Variants in CCER2 observed in about 807,000 individuals in gnomAD.
The protein encoded by CCER2 is coiled-coil domain-containing glutamate-rich protein 2.
Under a neutral mutation model 27.1 loss-of-function variants are expected in CCER2, and 20 were observed. The ratio of observed to expected loss-of-function variants is 0.74; its 90% CI spans 0.52 to 1.07. CCER2 has a LOEUF of 1.07. Among genes scored for constraint, CCER2 ranks in the 50% least tolerant of loss-of-function variants. The probability of loss-of-function intolerance (pLI) is 0.00; values close to 1 mark genes in which losing one functional copy is unlikely to be tolerated. For missense variants in CCER2, 351 were observed against 344.7 expected, an observed-to-expected ratio of 1.02 and a Z score of -0.14; for synonymous variants, 140 against 144.3, an observed-to-expected ratio of 0.97 and a Z score of 0.21.
At chr19:38,909,726 C>A (rs555022096) in intron 4 of CCER2, among the ~76,000 whole-genome samples, 5 of 152,070 alleles carry the variant, frequency 3.3e-5, no homozygotes, top group Admixed American at 1.3e-4. Flanking sequence ...GCATGCAACA[C>A]CATGCCTGGC....
Position 38,912,107 on chromosome 19 carries a change from G to A in CCER2, c.52C>T (p.Leu18=). 6.6e-7 allele frequency: 1 copy of A among 1,515,914 alleles called. No homozygotes were observed. Among genetic ancestry groups the A allele is most frequent in the Non-Finnish European group, 8.8e-7 (1 of 1,138,936 alleles). The allele number at this position is 1,515,914 out of a possible 1,614,324, so 93.9% of individuals were successfully genotyped here. A position where few individuals can be genotyped will look rare whatever the true frequency, so the allele number is the denominator to read the frequency against. Residue 18 remains leucine (L), a synonymous_variant, in exon 1 of 5, where the codon CTG becomes TTG. Transcript: ENST00000571838. ...SELLLLRLLL[L]GAATAAPLAP... ...CAGGTCCCGCACTCACCCGCCCCCA[G>A]CAGGAGCAGCCGCAGCAGCAGCAGC...
At chr19:38,911,874 C>T (rs1378422798) in intron 1 of CCER2, 22 bp from the exon 2 acceptor site, 6 of 1,534,304 alleles carry the variant, frequency 3.9e-6, no homozygotes, top group Admixed American at 2.0e-5. Flanking sequence ...GGAGATGGCA[C>T]TGGGCTTTGC....
rs747679728 is a variant in CCER2 at position 38,912,154 on chromosome 19, G to A, written c.5C>T (p.Pro2Leu). MPPRGPASELLL... is the reference protein window; with the variant it reads MLPRGPASELLL... ...CAGCTCAGAGGCTGGCCCTCGGGGC[G>A]GCATGGTGGGCGTCCAACGGGTCCA... is the stretch of plus-strand genomic sequence containing the variant. Residue 2 changes from proline (P) to leucine (L), a missense_variant, in exon 1 of 5, where the codon CCG becomes CTG. Physicochemically the swap from Pro to Leu is moderately conservative, Grantham distance 98 (BLOSUM62 -3). Coordinates refer to ENST00000571838, the MANE Select transcript of CCER2 (RefSeq NM_001243212.2). 7.4e-6 allele frequency: 11 copies of A among 1,489,302 alleles called. No individual in the cohort carries two copies. The South Asian group carries it at 1.0e-4, about 14-fold the overall frequency. 92.3% of individuals were successfully genotyped at this position (1,489,302 alleles called of 1,614,324 possible).
intron 4 of CCER2, among the ~76,000 whole-genome samples, chr19:38,909,665 C>T (rs1465070245): frequency 9.9e-5 from 15 of 152,044 alleles, no homozygotes; most frequent in Admixed American, 9.8e-4. Flanking sequence ...CTCCACCTCC[C>T]GAGTTCAAGT....
intron 3 of CCER2, 22 bp from the exon 4 acceptor site, chr19:38,911,105 C>T: frequency 7.1e-7 from 1 of 1,409,590 alleles, no homozygotes; most frequent in Admixed American, 2.9e-5. Context: ...GGAAAGGACA[C>T]TCTCTAAGCA....
intron 4 of CCER2, among the ~76,000 whole-genome samples, chr19:38,910,045 A>T (rs1447803277): frequency 6.6e-6 from 1 of 151,718 alleles, no homozygotes; most frequent in Non-Finnish European, 1.5e-5. Flanking sequence ...CTAATTTTTT[A>T]AATTATTTGT....
intron 4 of CCER2, among the ~76,000 whole-genome samples, chr19:38,909,873 CA>C (rs1266319743): frequency 3.6e-5 from 4 of 109,940 alleles, no homozygotes; most frequent in Non-Finnish European, 5.5e-5. Context: ...CATGCCCAGC[CA>C]TTTTTTTTTT....
At position 38,910,740 on chromosome 19, in the gene CCER2, C is replaced by T. The variant is rs1974289764; in HGVS notation, c.534G>A (p.Thr178=). ...CCTTCTCCTCTGCCTGGAACTGGGC[C>T]GTCTCTTTGTCACTGGCCTTCTCTG... The part of the protein sequence containing the change: ...RVAEKASDKE[T]AQFQAEEKGV... Residue 178 remains threonine (T), a synonymous_variant, in exon 4 of 5, where the codon ACG becomes ACA. Coordinates refer to ENST00000571838, the MANE Select transcript of CCER2 (RefSeq NM_001243212.2). 6.5e-6 allele frequency: 10 copies of T among 1,533,550 alleles called. No individual in the cohort carries two copies. The highest frequency in any genetic ancestry group is 4.1e-5 in the African/African-American group (3 of 73,104). The allele number at this position is 1,533,550 out of a possible 1,614,324, so 95.0% of individuals were successfully genotyped here. A position where few individuals can be genotyped will look rare whatever the true frequency, so the allele number is the denominator to read the frequency against.
In CCER2 at chr19:38,912,167, T is replaced by G. The variant is rs777198256; in HGVS notation, c.-9A>C. The G allele has an allele frequency of 1.3e-3, 1,870 of 1,480,726 alleles. 3 individuals carry two copies. The highest frequency in any genetic ancestry group is 1.6e-3 in the Non-Finnish European group (1,764 of 1,122,746). The allele number at this position is 1,480,726 out of a possible 1,614,324, so 91.7% of individuals were successfully genotyped here. On this transcript the variant is annotated 5_prime_UTR_variant, in exon 1 of 5. Transcript: ENST00000571838. The stretch of plus-strand genomic sequence containing the variant: ...GGCCCTCGGGGCGGCATGGTGGGCG[T>G]CCAACGGGTCCAAGGCGCTGTGCGG...
In CCER2 at chr19:38,909,414, T is replaced by C. The variant is rs74421103; in HGVS notation, c.712-89A>G. 5 of 1,216,748 alleles carry C rather than the reference T, an allele frequency of 4.1e-6. No individual in the cohort carries two copies. In the African/African-American group the frequency reaches 4.5e-5, roughly 11 times the overall value. 75.4% of individuals were successfully genotyped at this position (1,216,748 alleles called of 1,614,324 possible). On this transcript the variant is annotated intron_variant, in intron 4 of 4. Coordinates refer to ENST00000571838, the MANE Select transcript of CCER2 (RefSeq NM_001243212.2). ...TGATTGTGGGCCATGTCGGTTCTCATAGTGGCATCCAGCAGCGGTCGTTCT... is the reference window on the plus strand; with the variant it reads ...TGATTGTGGGCCATGTCGGTTCTCACAGTGGCATCCAGCAGCGGTCGTTCT...
Position 38,909,194 on chromosome 19 carries a change from G to C in CCER2, c.*42C>G, listed in dbSNP as rs1974249959. 6.6e-7 allele frequency: 1 copy of C among 1,526,454 alleles called. No individual in the cohort carries two copies. The highest frequency in any genetic ancestry group is 8.8e-7 in the Non-Finnish European group (1 of 1,138,526). The allele number at this position is 1,526,454 out of a possible 1,614,324, so 94.6% of individuals were successfully genotyped here. On this transcript the variant is annotated 3_prime_UTR_variant, in exon 5 of 5. Coordinates refer to ENST00000571838, the MANE Select transcript of CCER2 (RefSeq NM_001243212.2). ...GAGGCTTCGGGGTCAACAGTCCTAA[G>C]CCACAGGGTGTGTCAGGAGGAAGGA...
chr19:38,912,006 C>T (rs1448669202), intron 1 of CCER2, 92 bp downstream of exon 1: 3 of 1,485,286 alleles, frequency 2.0e-6, no homozygotes, highest in Non-Finnish European at 2.7e-6. Context: ...CCCCTGAAGC[C>T]TCTCCACTGG....
At chr19:38,909,846 T>C (rs1039340617) in intron 4 of CCER2, among the ~76,000 whole-genome samples, 10 of 150,978 alleles carry the variant, frequency 6.6e-5, no homozygotes, top group African/African-American at 2.4e-4. Context: ...AGTGCTGGGA[T>C]TACAGGCACG....
At position 38,910,892 on chromosome 19, in the gene CCER2, G is replaced by A. The variant is rs535540867; in HGVS notation, c.382C>T (p.Arg128Cys). ...QEQAIRMQGHRQLHQEEDEEE... is the reference protein window; with the variant it reads ...QEQAIRMQGHCQLHQEEDEEE... ...TCGTCCTCCTCCTGGTGGAGCTGGC[G>A]ATGCCCTTGCATGCGGATGGCTTGT... The change falls in exon 4 of 5, where the codon CGC becomes TGC. Residue 128 changes from arginine to cysteine, a missense_variant. Coordinates refer to ENST00000571838, the MANE Select transcript of CCER2 (RefSeq NM_001243212.2). The A allele has an allele frequency of 2.0e-4, 309 of 1,516,996 alleles. No individual in the cohort carries two copies. In the African/African-American group the frequency reaches 3.5e-3, roughly 17 times the overall value. 94.0% of individuals were successfully genotyped at this position (1,516,996 alleles called of 1,614,324 possible).
chr19:38,911,754 T>C, intron 2 of CCER2, 58 bp downstream of exon 2: 2 of 1,528,502 alleles, frequency 1.3e-6, no homozygotes, highest in Non-Finnish European at 8.8e-7. Flanking sequence ...GGGCAGGCTG[T>C]GCAGGGAGGG....
At chr19:38,910,529 TGTGTTG>T in intron 4 of CCER2, 28 bp downstream of exon 4, 1 of 1,439,026 alleles carries the variant, frequency 6.9e-7, no homozygotes, top group Non-Finnish European at 9.1e-7. Context: ...GCCTCCAAAC[TGTGTTG>T]GTGTTCCTCC....
Position 38,911,806 on chromosome 19 carries a change from C to G in CCER2, c.102+6G>C. Reference sequence around the variant, plus strand: ...TGAGGCAGGGCAAGGCCTCCACACTCCTCACCTCCTCCTTGGAGGGTCTCG... The same window carrying G: ...TGAGGCAGGGCAAGGCCTCCACACTGCTCACCTCCTCCTTGGAGGGTCTCG... On this transcript the variant is annotated splice_donor_region_variant and intron_variant, in intron 2 of 4. Coordinates refer to ENST00000571838, the MANE Select transcript of CCER2 (RefSeq NM_001243212.2). The G allele has an allele frequency of 6.5e-7, 1 of 1,535,176 alleles. No homozygotes were observed. Among genetic ancestry groups the G allele is most frequent in the Non-Finnish European group, 8.7e-7 (1 of 1,146,604 alleles).
Position 38,910,566 on chromosome 19 carries a change from C to T in CCER2, c.708G>A (p.Arg236=), listed in dbSNP as rs1220224193. The change falls in exon 4 of 5, where the codon AGG becomes AGA. Residue 236 remains arginine (R), a synonymous_variant. Transcript: ENST00000571838. ...PRQEKEEASE[R]EEKEVEQLEH... is the part of the protein sequence containing the mutation. ...CCTCCTTCATCCCCCTACTCACCTC[C>T]CTCTCCGAAGCCTCCTCCTTCTCCT... 1 of 1,475,716 alleles carries T rather than the reference C, an allele frequency of 6.8e-7. No homozygotes were observed. The highest frequency in any genetic ancestry group is 9.0e-7 in the Non-Finnish European group (1 of 1,114,276). The allele number at this position is 1,475,716 out of a possible 1,614,324, so 91.4% of individuals were successfully genotyped here.
At position 38,909,170 on chromosome 19, in the gene CCER2, A is replaced by T. The variant is rs1974249086; in HGVS notation, c.*66T>A. On this transcript the variant is annotated 3_prime_UTR_variant, in exon 5 of 5. Coordinates refer to ENST00000571838, the MANE Select transcript of CCER2 (RefSeq NM_001243212.2). The stretch of plus-strand genomic sequence containing the variant: ...TGGCGTGGGGTGCTAGGTGAGGTGG[A>T]GGCTTCGGGGTCAACAGTCCTAAGC... 1.3e-5 allele frequency: 19 copies of T among 1,466,540 alleles called. No individual in the cohort carries two copies. The highest frequency in any genetic ancestry group is 1.7e-5 in the Non-Finnish European group (18 of 1,085,250). The allele number at this position is 1,466,540 out of a possible 1,614,324, so 90.8% of individuals were successfully genotyped here. A position where few individuals can be genotyped will look rare whatever the true frequency, so the allele number is the denominator to read the frequency against.
Sources: allele counts gnomAD v4.1 joint callset (sites outside exome capture counted in the v4.1 genomes callset), GRCh38; gene constraint gnomAD v4.1.1; transcripts MANE v1.5; gene names NCBI Gene and HGNC (gene_info 2026-07-23, HGNC 2026-07-21).